Variants in MAP3K15 observed in about 807,000 individuals in gnomAD.
MAP3K15 encodes MAPK/ERK kinase kinase 15.
MAP3K15 carries 124 observed loss-of-function variants against 99.5 expected under a neutral mutation model. The ratio of observed to expected loss-of-function variants is 1.25; its 90% CI spans 1.08 to 1.45. MAP3K15 has a LOEUF of 1.45. Among genes scored for constraint, MAP3K15 ranks in the 40% most tolerant of loss-of-function variants. MAP3K15 has a pLI of 0.00. For missense variants in MAP3K15, 1,242 were observed against 1,079.7 expected (o/e 1.15, Z -2.11); for synonymous variants, 494 against 439.6 (o/e 1.12, Z -1.55).
At chrX:19,442,631 C>G in intron 6 of MAP3K15, among the ~76,000 whole-genome samples, 1 of 107,330 alleles carries the variant, frequency 9.3e-6, no homozygotes, top group South Asian at 4.2e-4. Context: ...TCAAGTGATT[C>G]TCCTGCCTCA....
chrX:19,473,197 G>A (rs946190089), intron 3 of MAP3K15, among the ~76,000 whole-genome samples: 1 of 112,263 alleles, frequency 8.9e-6, no homozygotes, highest in African/African-American at 3.2e-5. Flanking sequence ...TACTTCCTTT[G>A]GGAAAGTCTT....
At chrX:19,414,800 C>A (rs2063719580) in intron 10 of MAP3K15, among the ~76,000 whole-genome samples, 1 of 111,619 alleles carries the variant, frequency 9.0e-6, no homozygotes, top group Admixed American at 9.6e-5. Context: ...TGGTCTCTAT[C>A]CAGCAGATGC....
chrX:19,443,773 G>C (rs961454310), intron 6 of MAP3K15, among the ~76,000 whole-genome samples: 1 of 111,157 alleles, frequency 9.0e-6, no homozygotes, highest in African/African-American at 3.3e-5. Context: ...GGACGGGCCA[G>C]GCCACATGGA....
chrX:19,496,066 ATT>A (rs374380661), intron 1 of MAP3K15, among the ~76,000 whole-genome samples: 9,832 of 91,364 alleles, frequency 0.11, 463 homozygotes, highest in Non-Finnish European at 0.13. Context: ...CATCACCCCA[ATT>A]TTTTTTTTTT....
chrX:19,493,077 A>C (rs773922314), intron 1 of MAP3K15, among the ~76,000 whole-genome samples: 10 of 111,363 alleles, frequency 9.0e-5, no homozygotes, highest in Non-Finnish European at 1.5e-4. Flanking sequence ...AATAAAGGCA[A>C]GGAAGCAAAT....
intron 9 of MAP3K15, among the ~76,000 whole-genome samples, chrX:19,424,792 G>A (rs769019477): frequency 1.9e-4 from 21 of 108,533 alleles, no homozygotes; most frequent in East Asian, 8.7e-4. Flanking sequence ...GACCACAGGC[G>A]TGCACCACCA....
intron 18 of MAP3K15, among the ~76,000 whole-genome samples, chrX:19,382,146 G>A (rs1402671265): frequency 9.2e-5 from 10 of 108,604 alleles, no homozygotes; most frequent in East Asian, 2.9e-4. Context: ...CCAGCTACTC[G>A]GGAGGCTGAG....
At chrX:19,494,878 T>TAAAAAAAAAAA (rs760808925) in intron 1 of MAP3K15, among the ~76,000 whole-genome samples, 6 of 92,456 alleles carry the variant, frequency 6.5e-5, no homozygotes, top group Non-Finnish European at 1.1e-4. Context: ...AAGCTACCTT[T>TAAAAAAAAAAA]AAAAAAAAAA....
Position 19,467,887 on chromosome X carries a change from T to C in MAP3K15, c.526-3481A>G, listed in dbSNP as rs548496048. Among the ~76,000 whole-genome samples, 11 of 111,043 alleles carry C rather than the reference T, an allele frequency of 9.9e-5. No homozygotes were observed. In the South Asian group the frequency reaches 3.5e-3, roughly 35 times the overall value. ...ACAGGCCAAGAATGCTGAAACTTGATTGTCCCTGCCCCAGCTCCCTCACAG... is the reference window on the plus strand; with the variant it reads ...ACAGGCCAAGAATGCTGAAACTTGACTGTCCCTGCCCCAGCTCCCTCACAG... On this transcript the variant is annotated intron_variant, in intron 3 of 28. Coordinates refer to ENST00000338883, the MANE Select transcript of MAP3K15 (RefSeq NM_001001671.4).
chrX:19,513,902 GCTT>G (rs1239346968), intron 1 of MAP3K15, among the ~76,000 whole-genome samples: 1 of 109,568 alleles, frequency 9.1e-6, no homozygotes, highest in Non-Finnish European at 1.9e-5. Flanking sequence ...TCCAAAGTAC[GCTT>G]CTTAAGGCTG....
chrX:19,399,758 A>AC (rs2063595221), intron 14 of MAP3K15, among the ~76,000 whole-genome samples: 2 of 106,759 alleles, frequency 1.9e-5, no homozygotes, highest in African/African-American at 3.4e-5. Flanking sequence ...AAAAAAAAAA[A>AC]AAAAAAAACA....
intron 6 of MAP3K15, among the ~76,000 whole-genome samples, chrX:19,453,256 T>C (rs1426248668): frequency 9.0e-6 from 1 of 110,620 alleles, no homozygotes; most frequent in Admixed American, 9.7e-5. Flanking sequence ...ATCCCAGCAC[T>C]TTGGGAGGCT....
chrX:19,504,451 G>A (rs1421232929), intron 1 of MAP3K15, among the ~76,000 whole-genome samples: 1 of 111,384 alleles, frequency 9.0e-6, no homozygotes, highest in Non-Finnish European at 1.9e-5. Context: ...TGGATGTTTG[G>A]CGAACACTGT....
chrX:19,456,675 G>A (rs1034633765), intron 6 of MAP3K15, among the ~76,000 whole-genome samples: 1 of 111,891 alleles, frequency 8.9e-6, no homozygotes, highest in Non-Finnish European at 1.9e-5. Context: ...ATGTGAAGCC[G>A]GGGGTGCCTG....
intron 14 of MAP3K15, among the ~76,000 whole-genome samples, chrX:19,399,048 G>T (rs2063588407): frequency 8.9e-6 from 1 of 112,359 alleles, no homozygotes; most frequent in African/African-American, 3.2e-5. Context: ...ATGCTCCACT[G>T]CTTCTACTTA....
chrX:19,407,117 T>C, intron 13 of MAP3K15, 71 bp downstream of exon 13: 2 of 602,050 alleles, frequency 3.3e-6, no homozygotes, highest in East Asian at 3.7e-5. Flanking sequence ...TAAATATCTT[T>C]CAGAACAAAG....
chrX:19,481,040 G>A (rs1304398928), intron 3 of MAP3K15, among the ~76,000 whole-genome samples: 3 of 103,340 alleles, frequency 2.9e-5, no homozygotes, highest in Non-Finnish European at 5.8e-5. Flanking sequence ...ACCTGAACCA[G>A]GGGAAGTCAA....
chrX:19,431,155 G>A (rs2063877591), intron 7 of MAP3K15, among the ~76,000 whole-genome samples: 1 of 111,703 alleles, frequency 9.0e-6, no homozygotes, highest in African/African-American at 3.3e-5. Flanking sequence ...TGGTGGTGGT[G>A]GACAAGGCTC....
chrX:19,484,308 C>A (rs942714269), intron 3 of MAP3K15, among the ~76,000 whole-genome samples: 1 of 111,369 alleles, frequency 9.0e-6, no homozygotes, highest in African/African-American at 3.3e-5. Flanking sequence ...ATCTAGGCTG[C>A]GTGCTCCTTA....
Sources: gnomAD v4.1 joint callset for allele counts (sites outside exome capture counted in the v4.1 genomes callset) on GRCh38, gnomAD v4.1.1 for gene constraint, MANE v1.5 for transcripts, NCBI Gene and HGNC (gene_info 2026-07-23, HGNC 2026-07-21) for gene names.